Variants in TSHZ2 observed in about 807,000 individuals in gnomAD.
TSHZ2 encodes the protein teashirt homolog 2.
In TSHZ2, 21 loss-of-function variants were observed where a neutral mutation model predicts 74.4. The observed-to-expected ratio is 0.28, with a 90% CI of 0.20 to 0.41. The LOEUF is 0.41. TSHZ2 is among the 10% of genes least tolerant of loss of function. TSHZ2 has a pLI of 1.00. For missense variants in TSHZ2, 1,244 were observed against 1,293.5 expected, an observed-to-expected ratio of 0.96 and a Z score of 0.59; for synonymous variants, 540 against 515.3, an observed-to-expected ratio of 1.05 and a Z score of -0.65.
At chr20:53,042,450 C>G (rs1273406963) in intron 1 of TSHZ2, among the ~76,000 whole-genome samples, 1 of 152,096 alleles carries the variant, frequency 6.6e-6, no homozygotes, top group Non-Finnish European at 1.5e-5. Context: ...ACACACACTG[C>G]TATTATTATA....
chr20:53,424,028 T>A (rs543644730), intron 2 of TSHZ2, among the ~76,000 whole-genome samples: 3 of 152,218 alleles, frequency 2.0e-5, no homozygotes, highest in Non-Finnish European at 4.4e-5. Flanking sequence ...AGTGCCAAAG[T>A]TGAGAATCCT....
rs552453708 is a variant in TSHZ2, at chr20:53,182,465, G to A, written c.41-71034G>A. ...TGAGCCACCTCTGCATAGAGGTAACGAGGTGGGCGGGGTTTGCCCTCATGG... is the reference window on the plus strand; with the variant it reads ...TGAGCCACCTCTGCATAGAGGTAACAAGGTGGGCGGGGTTTGCCCTCATGG... On this transcript the variant is annotated intron_variant, in intron 1 of 2. Coordinates refer to ENST00000371497, the MANE Select transcript of TSHZ2 (RefSeq NM_173485.6). 8.5e-5 allele frequency among the ~76,000 whole-genome samples: 13 copies of A among 152,348 alleles called. No homozygotes were observed. The South Asian group carries it at 1.0e-3, about 12-fold the overall frequency.
intron 1 of TSHZ2, among the ~76,000 whole-genome samples, chr20:53,228,971 G>A (rs1390200185): frequency 6.6e-6 from 1 of 152,174 alleles, no homozygotes; most frequent in South Asian, 2.1e-4. Context: ...TGTCTCACAC[G>A]ATCATTCTTC....
At chr20:53,199,447 C>T (rs1420812048) in intron 1 of TSHZ2, among the ~76,000 whole-genome samples, 1 of 152,064 alleles carries the variant, frequency 6.6e-6, no homozygotes, top group Non-Finnish European at 1.5e-5. Context: ...ATACTCCAGC[C>T]TGGGAGACAG....
intron 2 of TSHZ2, among the ~76,000 whole-genome samples, chr20:53,415,719 A>G (rs374851250): frequency 0.043 from 14 of 326 alleles, no homozygotes; most frequent in South Asian, 0.17. Context: ...TACATATTAT[A>G]TATGTGTGTG....
intron 1 of TSHZ2, among the ~76,000 whole-genome samples, chr20:53,033,427 T>C (rs966166647): frequency 1.3e-5 from 2 of 152,076 alleles, no homozygotes; most frequent in African/African-American, 4.8e-5. Flanking sequence ...GCTCTACCAG[T>C]GACTACCTAT....
chr20:53,070,666 A>G lies in TSHZ2; in HGVS notation c.40+97333A>G, dbSNP rs12479639. Among the ~76,000 whole-genome samples the G allele has an allele frequency of 5.9e-4, 90 of 152,226 alleles. 1 individual carries two copies. In the South Asian group the frequency reaches 0.011, roughly 19 times the overall value. On this transcript the variant is annotated intron_variant, in intron 1 of 2. Coordinates refer to ENST00000371497, the MANE Select transcript of TSHZ2 (RefSeq NM_173485.6). ...TGTGTGTGTGTATGAATGTGTGTGT[A>G]TGTGTGTGTGTATTTACCAATGTAG...
intron 1 of TSHZ2, among the ~76,000 whole-genome samples, chr20:53,203,039 T>C (rs1299058984): frequency 6.6e-6 from 1 of 152,182 alleles, no homozygotes; most frequent in Admixed American, 6.5e-5. Context: ...TCCTTCTCGA[T>C]ATGAATCATT....
rs767220984 is a variant in TSHZ2 at position 53,254,453 on chromosome 20, C to G, written c.995C>G (p.Ser332Cys). 3 of 1,613,854 alleles carry G rather than the reference C, an allele frequency of 1.9e-6. No individual in the cohort carries two copies. Among genetic ancestry groups the G allele is most frequent in the South Asian group, 1.1e-5 (1 of 91,070 alleles). Residue 332 changes from serine to cysteine, a missense_variant, in exon 2 of 3, where the codon TCC becomes TGC. Coordinates refer to ENST00000371497, the MANE Select transcript of TSHZ2 (RefSeq NM_173485.6). ...GTTTTTGATGTCAATCGGCCGTGTT[C>G]CCCCGATTCAACCACAGGATCTTTT... is the stretch of plus-strand genomic sequence containing the variant. The part of the protein sequence containing the change: ...KRVFDVNRPC[S>C]PDSTTGSFAD...
chr20:53,456,086 T>A (rs1341713895), intron 2 of TSHZ2, among the ~76,000 whole-genome samples: 1 of 152,094 alleles, frequency 6.6e-6, no homozygotes, highest in African/African-American at 2.4e-5. Context: ...AGTAATGGGA[T>A]GGCTGGGTCA....
At chr20:53,026,135 G>A (rs1179474970) in intron 1 of TSHZ2, among the ~76,000 whole-genome samples, 3 of 151,986 alleles carry the variant, frequency 2.0e-5, no homozygotes, top group African/African-American at 4.8e-5. Context: ...ACATACACAC[G>A]TGAGTCTGAC....
chr20:53,438,764 C>T (rs1033107495), intron 2 of TSHZ2, among the ~76,000 whole-genome samples: 1 of 152,082 alleles, frequency 6.6e-6, no homozygotes, highest in African/African-American at 2.4e-5. Context: ...AGTTCGAGAC[C>T]AGCCTGACCA....
At chr20:53,403,715 G>A (rs2145683976) in intron 2 of TSHZ2, among the ~76,000 whole-genome samples, 1 of 152,338 alleles carries the variant, frequency 6.6e-6, no homozygotes, top group South Asian at 2.1e-4. Flanking sequence ...ATGTGCTGGT[G>A]CTTTTATACT....
At chr20:53,307,365 C>T (rs80066577) in intron 2 of TSHZ2, among the ~76,000 whole-genome samples, 4,458 of 152,286 alleles carry the variant, frequency 0.029, 96 homozygotes, top group Non-Finnish European at 0.045. Flanking sequence ...CAAGAAAAAT[C>T]CTGGTCCCCA....
intron 2 of TSHZ2, among the ~76,000 whole-genome samples, chr20:53,447,078 C>A (rs1377764147): frequency 6.6e-6 from 1 of 152,218 alleles, no homozygotes; most frequent in African/African-American, 2.4e-5. Context: ...CCTCCAATAG[C>A]CTTTGCTCCT....
intron 1 of TSHZ2, among the ~76,000 whole-genome samples, chr20:53,186,948 G>A (rs1285604656): frequency 2.0e-5 from 3 of 151,948 alleles, no homozygotes; most frequent in Non-Finnish European, 2.9e-5. Context: ...GAAACCCCTA[G>A]GGCATAATCT....
intron 2 of TSHZ2, among the ~76,000 whole-genome samples, chr20:53,464,707 G>A (rs746828676): frequency 2.0e-5 from 3 of 152,096 alleles, no homozygotes; most frequent in Non-Finnish European, 4.4e-5. Context: ...GGGCTCAAGA[G>A]TCCTCCTGCC....
At chr20:53,335,417 C>T (rs1979906106) in intron 2 of TSHZ2, among the ~76,000 whole-genome samples, 1 of 152,240 alleles carries the variant, frequency 6.6e-6, no homozygotes, top group Admixed American at 6.5e-5. Context: ...GATCAGACTT[C>T]TCCAGTTTGC....
intron 2 of TSHZ2, among the ~76,000 whole-genome samples, chr20:53,443,132 G>A (rs774468678): frequency 1.8e-4 from 28 of 152,206 alleles, no homozygotes; most frequent in South Asian, 2.1e-4. Context: ...CGTCTTTACT[G>A]GAAGCACTTG....
Sources: gnomAD v4.1 joint callset for allele counts (sites outside exome capture counted in the v4.1 genomes callset) on GRCh38, gnomAD v4.1.1 for gene constraint, MANE v1.5 for transcripts, NCBI Gene and HGNC (gene_info 2026-07-23, HGNC 2026-07-21) for gene names.